Variants in CHCHD3 observed in about 807,000 individuals in gnomAD.
CHCHD3 encodes coiled-coil-helix-coiled-coil-helix domain containing 3.
CHCHD3 carries 20 observed loss-of-function variants against 38.2 expected under a neutral mutation model. That is an observed-to-expected ratio of 0.52 (90% confidence interval 0.37 to 0.76). CHCHD3 has a LOEUF of 0.76. CHCHD3 is among the 30% of genes least tolerant of loss of function. The pLI, the probability that CHCHD3 is intolerant of heterozygous loss-of-function variation, is 0.00. For missense variants in CHCHD3, 245 were observed against 279.2 expected (o/e 0.88, Z 0.87); for synonymous variants, 82 against 100.0 (o/e 0.82, Z 1.07).
intron 2 of CHCHD3, among the ~76,000 whole-genome samples, chr7:133,036,364 AAAG>A (rs1813673701): frequency 6.6e-6 from 1 of 152,234 alleles, no homozygotes; most frequent in Non-Finnish European, 1.5e-5. Flanking sequence ...AAAATCTTTA[AAAG>A]AATAGTATAA....
At chr7:133,029,476 G>A (rs1472456266) in intron 2 of CHCHD3, among the ~76,000 whole-genome samples, 2 of 152,060 alleles carry the variant, frequency 1.3e-5, no homozygotes, top group African/African-American at 4.8e-5. Flanking sequence ...CCACATATAG[G>A]TAAGAACATA....
chr7:132,790,748 A>G (rs574246687), intron 7 of CHCHD3, among the ~76,000 whole-genome samples: 1 of 152,274 alleles, frequency 6.6e-6, no homozygotes, highest in Admixed American at 6.5e-5. Flanking sequence ...CACCGTGTAC[A>G]TCGGGGGGAC....
intron 3 of CHCHD3, among the ~76,000 whole-genome samples, chr7:133,019,261 C>CT (rs1813116188): frequency 6.6e-6 from 1 of 152,120 alleles, no homozygotes; most frequent in South Asian, 2.1e-4. Context: ...TTCCCTCCTC[C>CT]TTTTTTCTGC....
intron 5 of CHCHD3, among the ~76,000 whole-genome samples, chr7:132,871,135 A>G (rs1446894677): frequency 2.0e-5 from 3 of 152,222 alleles, no homozygotes; most frequent in Admixed American, 2.0e-4. Context: ...TATCTTTTGC[A>G]TAATTACTCT....
intron 6 of CHCHD3, among the ~76,000 whole-genome samples, chr7:132,836,954 C>T (rs543773720): frequency 6.6e-6 from 1 of 152,284 alleles, no homozygotes; most frequent in Admixed American, 6.5e-5. Context: ...ACCCACTGAC[C>T]TTTCCAGTTT....
At chr7:132,809,881 CA>C (rs1262196693) in intron 6 of CHCHD3, among the ~76,000 whole-genome samples, 1 of 152,124 alleles carries the variant, frequency 6.6e-6, no homozygotes, top group Non-Finnish European at 1.5e-5. Flanking sequence ...AAATTCATTT[CA>C]AAAGGTTTGA....
intron 2 of CHCHD3, among the ~76,000 whole-genome samples, chr7:133,044,468 TA>T (rs1479789218): frequency 2.0e-5 from 3 of 152,144 alleles, no homozygotes; most frequent in Non-Finnish European, 4.4e-5. Flanking sequence ...AAATAAAAGT[TA>T]ATGGGTGGGG....
At chr7:133,006,501 A>G in intron 3 of CHCHD3, among the ~76,000 whole-genome samples, 1 of 122,134 alleles carries the variant, frequency 8.2e-6, no homozygotes, top group South Asian at 2.6e-4. Flanking sequence ...ATAAAAAAAT[A>G]AATAAAATTA....
intron 7 of CHCHD3, among the ~76,000 whole-genome samples, chr7:132,787,359 G>A (rs554129485): frequency 6.6e-6 from 1 of 152,218 alleles, no homozygotes; most frequent in East Asian, 1.9e-4. Flanking sequence ...CCAAGGAGGA[G>A]GCAGATTAGA....
chr7:132,914,952 C>T (rs748102312), intron 4 of CHCHD3, among the ~76,000 whole-genome samples: 4 of 151,936 alleles, frequency 2.6e-5, no homozygotes, highest in Non-Finnish European at 5.9e-5. Context: ...ACCTGAGGTC[C>T]GGAGTTTGAG....
chr7:132,975,381 G>C, intron 3 of CHCHD3, 95 bp from the exon 4 acceptor site: 2 of 1,052,978 alleles, frequency 1.9e-6, no homozygotes, highest in South Asian at 1.5e-5. Context: ...GAAACACATA[G>C]CCAAAAAGGT....
chr7:132,902,903 C>T (rs1438292395), intron 4 of CHCHD3, among the ~76,000 whole-genome samples: 3 of 152,156 alleles, frequency 2.0e-5, no homozygotes, highest in East Asian at 1.9e-4. Flanking sequence ...AAGACCAAAA[C>T]GAGGCAGAGA....
Position 133,074,034 on chromosome 7 carries a change from C to T in CHCHD3, c.82-3805G>A, listed in dbSNP as rs567247037. 3.5e-4 allele frequency among the ~76,000 whole-genome samples: 53 copies of T among 152,326 alleles called. No homozygotes were observed. The South Asian group carries it at 4.3e-3, about 12-fold the overall frequency. ...AACAGTTGTCCACTCCATTCCAACC[C>T]TGCCTACCTAAAGCTACCATTCCTT... is the stretch of plus-strand genomic sequence containing the variant. On this transcript the variant is annotated intron_variant, in intron 1 of 7. Coordinates refer to ENST00000262570, the MANE Select transcript of CHCHD3 (RefSeq NM_017812.4).
intron 4 of CHCHD3, among the ~76,000 whole-genome samples, chr7:132,908,434 A>G (rs1209115095): frequency 2.6e-5 from 4 of 152,212 alleles, no homozygotes; most frequent in Admixed American, 2.0e-4. Flanking sequence ...ATATTTGTTC[A>G]GATATTTCAC....
At position 132,881,651 on chromosome 7, in the gene CHCHD3, C is replaced by T. The variant is rs532876259; in HGVS notation, c.453+4011G>A. Among the ~76,000 whole-genome samples, 60 of 152,188 alleles carry T rather than the reference C, an allele frequency of 3.9e-4. No homozygotes were observed. In the South Asian group the frequency reaches 0.012, roughly 31 times the overall value. ...AAGAGGAAAAGATATGTGCTTATGT[C>T]CACTTTTAAACCACAGGCAACCTGG... On this transcript the variant is annotated intron_variant, in intron 5 of 7. Transcript: ENST00000262570.
rs115530900 is a variant in CHCHD3 at position 133,040,705 on chromosome 7, G to C, written c.170-16078C>G. On this transcript the variant is annotated intron_variant, in intron 2 of 7. Coordinates refer to ENST00000262570, the MANE Select transcript of CHCHD3 (RefSeq NM_017812.4). The stretch of plus-strand genomic sequence containing the variant: ...TTCACTCTCTTATGAAGATCCCCAT[G>C]AACACGTCGATGATGTATATGCTTT... Among the ~76,000 whole-genome samples, 263 of 152,228 alleles carry C rather than the reference G, an allele frequency of 1.7e-3. 2 individuals carry two copies. Among genetic ancestry groups the C allele is most frequent in the African/African-American group, 6.0e-3 (250 of 41,536 alleles).
At chr7:133,080,478 C>T (rs890828150) in intron 1 of CHCHD3, among the ~76,000 whole-genome samples, 2 of 152,142 alleles carry the variant, frequency 1.3e-5, no homozygotes, top group African/African-American at 4.8e-5. Flanking sequence ...TAACCAATGT[C>T]TTCTCACTCA....
At position 132,838,344 on chromosome 7, in the gene CHCHD3, T is replaced by C. The variant is rs898639642; in HGVS notation, c.524+55A>G. On this transcript the variant is annotated intron_variant, in intron 6 of 7. Transcript: ENST00000262570. ...TGATCTGTGCAAAAAGCACTAAAAC[T>C]GTGCTTTCATCTTGTTAAGAATAGT... The C allele has an allele frequency of 3.4e-6, 4 of 1,191,520 alleles. No individual in the cohort carries two copies. The African/African-American group carries it at 6.2e-5, about 18-fold the overall frequency. 73.8% of individuals were successfully genotyped at this position (1,191,520 alleles called of 1,614,324 possible).
At chr7:133,022,123 A>T (rs1813195149) in intron 3 of CHCHD3, among the ~76,000 whole-genome samples, 1 of 152,118 alleles carries the variant, frequency 6.6e-6, no homozygotes, top group South Asian at 2.1e-4. Flanking sequence ...ATTTCCATTT[A>T]AAAAGGGTTA....
Sources: allele counts gnomAD v4.1 joint callset (sites outside exome capture counted in the v4.1 genomes callset), GRCh38; gene constraint gnomAD v4.1.1; transcripts MANE v1.5; gene names NCBI Gene and HGNC (gene_info 2026-07-23, HGNC 2026-07-21).